The following TDRD9 variants were observed in gnomAD, a reference collection of about 807,000 sequenced individuals.
TDRD9 encodes the protein tudor domain containing 9.
In TDRD9, 124 loss-of-function variants were observed where a neutral mutation model predicts 172.6. That is an observed-to-expected ratio of 0.72 (90% confidence interval 0.62 to 0.83). The LOEUF is 0.83. TDRD9 is among the 40% of genes least tolerant of loss of function. The probability of loss-of-function intolerance (pLI) is 0.00; values close to 1 mark genes in which losing one functional copy is unlikely to be tolerated. For missense variants in TDRD9, 1,479 were observed against 1,714.1 expected (o/e 0.86, Z 2.42); for synonymous variants, 619 against 617.1 (o/e 1.00, Z -0.05).
At chr14:103,945,904 AT>A (rs973629532) in intron 1 of TDRD9, among the ~76,000 whole-genome samples, 5 of 152,108 alleles carry the variant, frequency 3.3e-5, no homozygotes, top group Middle Eastern at 3.2e-3. Flanking sequence ...TTTATATAGT[AT>A]TCAACAGCAC....
intron 1 of TDRD9, among the ~76,000 whole-genome samples, chr14:103,948,740 G>A (rs923162910): frequency 6.6e-6 from 1 of 152,116 alleles, no homozygotes; most frequent in Non-Finnish European, 1.5e-5. Context: ...GCACTATGGA[G>A]TGTGCCTGTA....
chr14:103,952,190 G>GTATATATATA (rs1566734586), intron 1 of TDRD9, among the ~76,000 whole-genome samples: 130 of 55,456 alleles, frequency 2.3e-3, no homozygotes, highest in East Asian at 3.0e-3. Flanking sequence ...GCGTGTGTGT[G>GTATATATATA]TATATATATA....
intron 13 of TDRD9, among the ~76,000 whole-genome samples, chr14:103,999,904 A>G (rs1482264621): frequency 6.6e-6 from 1 of 152,146 alleles, no homozygotes; most frequent in African/African-American, 2.4e-5. Flanking sequence ...TATAGTAGGA[A>G]GTGGTGGGAA....
intron 11 of TDRD9, among the ~76,000 whole-genome samples, chr14:103,994,963 AAAG>A (rs2034005149): frequency 3.1e-5 from 1 of 32,498 alleles, no homozygotes; most frequent in Non-Finnish European, 1.8e-4. Flanking sequence ...CAAAAAAAAA[AAAG>A]AAAAAAAAAT....
In TDRD9 at chr14:103,986,244, G is replaced by A. The variant is rs766960484; in HGVS notation, c.1039G>A (p.Val347Met). Reference protein sequence around the residue: ...KLSPHLLEEPVITKDIYEVAV... With the variant: ...KLSPHLLEEPMITKDIYEVAV... The stretch of plus-strand genomic sequence containing the variant: ...CTCTCCTCATCTCCTGGAGGAACCG[G>A]TGATAACTAAGGATATATATGAAGT... Residue 347 changes from valine (V) to methionine (M), a missense_variant, in exon 8 of 36, where the codon GTG becomes ATG. Physicochemically the swap from Val to Met is conservative, Grantham distance 21. Coordinates refer to ENST00000409874, the MANE Select transcript of TDRD9 (RefSeq NM_153046.3). The A allele has an allele frequency of 6.2e-7, 1 of 1,613,126 alleles. No homozygotes were observed. The highest frequency in any genetic ancestry group is 1.7e-5 in the Admixed American group (1 of 59,852).
chr14:103,998,885 C>G (rs540790096), intron 13 of TDRD9, among the ~76,000 whole-genome samples, 157 bp downstream of exon 13: 1 of 152,046 alleles, frequency 6.6e-6, no homozygotes, highest in African/African-American at 2.4e-5. Context: ...CTCCGCTTCC[C>G]GGGTTCTTGC....
chr14:104,011,150 A>C (rs1481344182), intron 20 of TDRD9, among the ~76,000 whole-genome samples: 1 of 152,190 alleles, frequency 6.6e-6, no homozygotes, highest in African/African-American at 2.4e-5. Context: ...AGACACTGCT[A>C]TGTGGTGCAT....
At chr14:103,960,888 A>G (rs2032477154) in intron 2 of TDRD9, among the ~76,000 whole-genome samples, 1 of 152,254 alleles carries the variant, frequency 6.6e-6, no homozygotes, top group Admixed American at 6.5e-5. Context: ...CATGTGAGCC[A>G]GGGCTTGAAG....
At chr14:104,047,406 T>C (rs117952605) in intron 34 of TDRD9, among the ~76,000 whole-genome samples, 46 of 152,326 alleles carry the variant, frequency 3.0e-4, no homozygotes, top group East Asian at 1.3e-3. Flanking sequence ...AGATCATTAT[T>C]ATTATGAAAG....
At chr14:103,932,537 G>A (rs2030462021) in intron 1 of TDRD9, among the ~76,000 whole-genome samples, 1 of 152,072 alleles carries the variant, frequency 6.6e-6, no homozygotes, top group Non-Finnish European at 1.5e-5. Flanking sequence ...ACAGGCGCCC[G>A]CCACCACAGC....
rs1361074374 is a variant in TDRD9 at position 103,986,282 on chromosome 14, C to T, written c.1077C>T (p.Leu359=). The T allele has an allele frequency of 6.2e-7, 1 of 1,613,434 alleles. No individual in the cohort carries two copies. The highest frequency in any genetic ancestry group is 8.5e-7 in the Non-Finnish European group (1 of 1,179,542). ...TKDIYEVAVS[L]IQMFDDLDMK... ...ATATATATGAAGTTGCTGTCTCTCT[C>T]ATTCAGATGTTTGATGACTTGGATA... The change falls in exon 8 of 36, where the codon CTC becomes CTT. Residue 359 remains leucine, a synonymous_variant. Transcript: ENST00000409874.
At chr14:104,047,563 T>C (rs1037022573) in intron 34 of TDRD9, among the ~76,000 whole-genome samples, 2 of 152,224 alleles carry the variant, frequency 1.3e-5, no homozygotes, top group African/African-American at 2.4e-5. Flanking sequence ...TTTTCAAATA[T>C]TTTTTTCTGC....
At chr14:103,938,435 TA>T (rs71395651) in intron 1 of TDRD9, among the ~76,000 whole-genome samples, 580 of 56,534 alleles carry the variant, frequency 0.01, 17 homozygotes, top group African/African-American at 0.023. Context: ...TATATATATA[TA>T]TATATTTTTT....
intron 5 of TDRD9, among the ~76,000 whole-genome samples, chr14:103,968,783 G>T (rs1340846038): frequency 1.7e-3 from 6 of 3,544 alleles, no homozygotes; most frequent in Admixed American, 3.7e-3. Flanking sequence ...GCGACAGAGT[G>T]AGACTCTGTC....
intron 8 of TDRD9, among the ~76,000 whole-genome samples, chr14:103,987,159 CA>C (rs2033701160): frequency 6.7e-6 from 1 of 149,408 alleles, no homozygotes; most frequent in African/African-American, 2.5e-5. Context: ...CACACACACA[CA>C]CACCATATGA....
intron 2 of TDRD9, 150 bp from the exon 3 acceptor site, chr14:103,962,929 C>T: frequency 1.9e-6 from 1 of 520,808 alleles, no homozygotes; most frequent in Non-Finnish European, 3.3e-6. Flanking sequence ...GCCCTGATGG[C>T]AGTTTTAGCC....
Position 103,947,456 on chromosome 14 carries a change from T to C in TDRD9, c.216-8208T>C, listed in dbSNP as rs57728513. ...CATTCTCCTGCCTTAGCCTCCCGAG[T>C]AGCTGGGACTACAGGCGCCCGCCAC... On this transcript the variant is annotated intron_variant, in intron 1 of 35. Transcript: ENST00000409874. 1.9e-3 allele frequency among the ~76,000 whole-genome samples: 286 copies of C among 152,102 alleles called. 1 individual carries two copies. The highest frequency in any genetic ancestry group is 6.7e-3 in the African/African-American group (279 of 41,474).
chr14:103,970,365 T>C (rs1164967109), intron 5 of TDRD9, among the ~76,000 whole-genome samples, 176 bp from the exon 6 acceptor site: 1 of 152,184 alleles, frequency 6.6e-6, no homozygotes, highest in Non-Finnish European at 1.5e-5. Context: ...GTCTGTGGTC[T>C]GTTGGCCGAT....
At chr14:103,932,356 A>G (rs745519925) in intron 1 of TDRD9, among the ~76,000 whole-genome samples, 4 of 152,162 alleles carry the variant, frequency 2.6e-5, no homozygotes, top group Non-Finnish European at 4.4e-5. Flanking sequence ...AGGCATTGAC[A>G]TTAGTGAGAG....
Sources: gnomAD v4.1 joint callset for allele counts (sites outside exome capture counted in the v4.1 genomes callset) on GRCh38, gnomAD v4.1.1 for gene constraint, MANE v1.5 for transcripts, NCBI Gene and HGNC (gene_info 2026-07-23, HGNC 2026-07-21) for gene names.